The following SLC39A14 variants were observed in gnomAD, a reference collection of about 807,000 sequenced individuals.
SLC39A14 encodes metal cation symporter ZIP14.
Under a neutral mutation model 45.5 loss-of-function variants are expected in SLC39A14, and 19 were observed. The observed-to-expected ratio is 0.42, with a 90% CI of 0.29 to 0.61. SLC39A14 has a LOEUF of 0.61. Ranked by LOEUF, SLC39A14 falls within the 20% of genes least tolerant of loss-of-function variation. The probability of loss-of-function intolerance (pLI) is 0.22; values close to 1 mark genes in which losing one functional copy is unlikely to be tolerated. For synonymous variants in SLC39A14, 264 were observed against 251.3 expected (o/e 1.05, Z -0.48); for missense variants, 447 against 616.5 (o/e 0.73, Z 2.91).
At chr8:22,417,612 C>A in intron 7 of SLC39A14, 39 bp from the exon 8 acceptor site, 1 of 1,574,596 alleles carries the variant, frequency 6.4e-7, no homozygotes, top group Non-Finnish European at 8.7e-7. Flanking sequence ...TCTTACTCTT[C>A]CTTCCTCGTC....
At chr8:22,429,048 G>A (rs1010029957) in intron 8 of SLC39A14, among the ~76,000 whole-genome samples, 4 of 152,036 alleles carry the variant, frequency 2.6e-5, no homozygotes, top group African/African-American at 9.7e-5. Context: ...CGAGGCGGGT[G>A]GATCGCAAGG....
chr8:22,425,068 T>G (rs1836361739), downstream of SLC39A14, among the ~76,000 whole-genome samples: 1 of 151,766 alleles, frequency 6.6e-6, no homozygotes, highest in South Asian at 2.1e-4. Flanking sequence ...TGAAATGTCT[T>G]TTAAGTTCTG....
At chr8:22,391,730 C>T (rs955337390) in intron 1 of SLC39A14, among the ~76,000 whole-genome samples, 1 of 152,136 alleles carries the variant, frequency 6.6e-6, no homozygotes, top group African/African-American at 2.4e-5. Context: ...CCACCATGCC[C>T]TGCTAATTTT....
chr8:22,417,460 T>C (rs1194015473), intron 7 of SLC39A14, among the ~76,000 whole-genome samples, 191 bp from the exon 8 acceptor site: 2 of 152,270 alleles, frequency 1.3e-5, no homozygotes, highest in African/African-American at 4.8e-5. Flanking sequence ...TCTGATGTCA[T>C]CGGTGCCCTC....
intron 1 of SLC39A14, among the ~76,000 whole-genome samples, chr8:22,382,147 CA>C (rs1457456053): frequency 6.6e-6 from 1 of 151,212 alleles, no homozygotes; most frequent in African/African-American, 2.4e-5. Context: ...GTCTCAAAAA[CA>C]ACAACCAAAA....
chr8:22,373,977 C>G (rs915236469), intron 1 of SLC39A14, among the ~76,000 whole-genome samples: 2 of 152,198 alleles, frequency 1.3e-5, no homozygotes, highest in Non-Finnish European at 2.9e-5. Context: ...CCAGGCTGGT[C>G]TCGAACTCGA....
Position 22,422,308 on chromosome 8 carries a change from G to A in SLC39A14, c.*2610G>A, listed in dbSNP as rs1166347827. 1.0e-6 allele frequency: 1 copy of A among 985,608 alleles called. No individual in the cohort carries two copies. Among genetic ancestry groups the A allele is most frequent in the East Asian group, 1.1e-4 (1 of 8,834 alleles). The allele number at this position is 985,608 out of a possible 1,614,324, so 61.1% of individuals were successfully genotyped here. On this transcript the variant is annotated 3_prime_UTR_variant, in exon 9 of 9. Transcript: ENST00000381237. The stretch of plus-strand genomic sequence containing the variant: ...TCACTTCACCACCGGCACACAGCTT[G>A]CCCCTGTCTTTGCCCCCAAAGGTAT...
chr8:22,420,718 T>C lies in SLC39A14; in HGVS notation c.*1020T>C. The C allele has an allele frequency of 1.0e-6, 1 of 985,396 alleles. No individual in the cohort carries two copies. Among genetic ancestry groups the C allele is most frequent in the Non-Finnish European group, 1.2e-6 (1 of 829,922 alleles). The allele number at this position is 985,396 out of a possible 1,614,324, so 61.0% of individuals were successfully genotyped here. On this transcript the variant is annotated 3_prime_UTR_variant, in exon 9 of 9. Coordinates refer to ENST00000381237, the MANE Select transcript of SLC39A14 (RefSeq NM_001128431.4). Reference sequence around the variant, plus strand: ...TAGACAAGGGTAATCAGAAATGGAATCAGTGCAGGCAAAATTTAGGATTTG... The same window carrying C: ...TAGACAAGGGTAATCAGAAATGGAACCAGTGCAGGCAAAATTTAGGATTTG...
In SLC39A14 at chr8:22,421,916, G is replaced by T. The variant is rs1314234089; in HGVS notation, c.*2218G>T. ...CTTAAGAAATTTCCTTCCATAGACA[G>T]CTGCCTCAAAGGGAAATCCTCTTTA... is the stretch of plus-strand genomic sequence containing the variant. On this transcript the variant is annotated 3_prime_UTR_variant, in exon 9 of 9. Coordinates refer to ENST00000381237, the MANE Select transcript of SLC39A14 (RefSeq NM_001128431.4). 1.0e-6 allele frequency: 1 copy of T among 985,326 alleles called. No homozygotes were observed. The highest frequency in any genetic ancestry group is 1.2e-6 in the Non-Finnish European group (1 of 829,936). 61.0% of individuals were successfully genotyped at this position (985,326 alleles called of 1,614,324 possible).
At position 22,415,952 on chromosome 8, in the gene SLC39A14, G is replaced by A. The variant is rs1474468536; in HGVS notation, c.934G>A (p.Val312Met). The A allele has an allele frequency of 4.4e-6, 7 of 1,603,138 alleles. No homozygotes were observed. Among genetic ancestry groups the A allele is most frequent in the Non-Finnish European group, 8.5e-7 (1 of 1,172,890 alleles). ...DEKVIVGSLSVQDLQASQSAC... is the reference protein window; with the variant it reads ...DEKVIVGSLSMQDLQASQSAC... Reference sequence around the variant, plus strand: ...GAAGGTCATTGTGGGCTCGCTCTCTGTGCAGGTCAGTGGGCCACCAGCTGC... The same window carrying A: ...GAAGGTCATTGTGGGCTCGCTCTCTATGCAGGTCAGTGGGCCACCAGCTGC... The change falls in exon 6 of 9, where the codon GTG (valine) becomes ATG (methionine). Residue 312 changes from valine to methionine, a missense_variant. This residue lies in a region of SLC39A14 where 342 missense variants were observed against 428.1 expected (regional missense o/e 0.80). Transcript: ENST00000381237.
exon 9 of SLC39A14, chr8:22,433,926 A>G (rs548116483): frequency 3.5e-5 from 15 of 427,456 alleles, no homozygotes; most frequent in East Asian, 1.6e-4. Flanking sequence ...CTGGAGTGCA[A>G]TGGTGCCATC....
At chr8:22,433,483 A>G (rs558168819) in intron 8 of SLC39A14, among the ~76,000 whole-genome samples, 1 of 151,626 alleles carries the variant, frequency 6.6e-6, no homozygotes, top group East Asian at 1.9e-4. Context: ...CAGCCTCCCA[A>G]GCAGCTGGGA....
intron 1 of SLC39A14, among the ~76,000 whole-genome samples, chr8:22,371,750 T>G (rs1832948903): frequency 7.0e-6 from 1 of 142,658 alleles, no homozygotes; most frequent in Non-Finnish European, 1.5e-5. Flanking sequence ...CTTTTATCTT[T>G]TTTTTTTTTT....
chr8:22,403,368 C>G (rs1215943665), intron 1 of SLC39A14, among the ~76,000 whole-genome samples: 1 of 151,958 alleles, frequency 6.6e-6, no homozygotes, highest in Non-Finnish European at 1.5e-5. Flanking sequence ...CAACCTCTGC[C>G]TCCCAGGTTC....
intron 1 of SLC39A14, among the ~76,000 whole-genome samples, chr8:22,402,920 A>G (rs1038488762): frequency 6.6e-6 from 1 of 152,090 alleles, no homozygotes; most frequent in African/African-American, 2.4e-5. Context: ...GTCATATCAA[A>G]TGGTATATAT....
intron 1 of SLC39A14, among the ~76,000 whole-genome samples, chr8:22,382,694 A>G (rs1348780820): frequency 6.6e-6 from 1 of 152,024 alleles, no homozygotes; most frequent in Non-Finnish European, 1.5e-5. Flanking sequence ...ATAAATAAAT[A>G]AAACTTACAA....
At chr8:22,410,343 CCCT>C (rs2132335187) in intron 3 of SLC39A14, among the ~76,000 whole-genome samples, 1 of 152,300 alleles carries the variant, frequency 6.6e-6, no homozygotes, top group South Asian at 2.1e-4. Context: ...CTTCCAATTT[CCCT>C]CCTCCTGGGG....
At chr8:22,383,861 AT>A (rs1833644176) in intron 1 of SLC39A14, among the ~76,000 whole-genome samples, 1 of 152,044 alleles carries the variant, frequency 6.6e-6, no homozygotes, top group Non-Finnish European at 1.5e-5. Context: ...GGGCTGGGTA[AT>A]TCTCAGGATA....
chr8:22,419,418 T>C (rs1836091710), intron 8 of SLC39A14, 134 bp from the exon 9 acceptor site: 2 of 798,476 alleles, frequency 2.5e-6, no homozygotes, highest in South Asian at 3.4e-5. Context: ...TCCTGACCTC[T>C]AGTGAGCCGC....
Sources: gnomAD v4.1 joint callset for allele counts (sites outside exome capture counted in the v4.1 genomes callset) on GRCh38, gnomAD v4.1.1 for gene constraint, gnomAD v4.1.1 regional missense constraint, MANE v1.5 for transcripts, NCBI Gene and HGNC (gene_info 2026-07-23, HGNC 2026-07-21) for gene names.